SCHIP1: variants seen among roughly 807,000 people sequenced by gnomAD.
SCHIP1 encodes the protein schwannomin interacting protein 1.
In SCHIP1, 8 loss-of-function variants were observed where a neutral mutation model predicts 29.7. That is an observed-to-expected ratio of 0.27 (90% CI 0.16 to 0.49). The LOEUF (loss-of-function observed/expected upper bound fraction) is 0.49. Ranked by LOEUF, SCHIP1 falls within the 20% of genes least tolerant of loss-of-function variation. SCHIP1 has a pLI of 0.99. For missense variants in SCHIP1, 193 were observed against 294.6 expected (o/e 0.66, Z 2.52); for synonymous variants, 76 against 94.9 (o/e 0.80, Z 1.16).
At chr3:159,864,258 G>C (rs1312901177) in intron 1 of SCHIP1, among the ~76,000 whole-genome samples, 1 of 152,084 alleles carries the variant, frequency 6.6e-6, no homozygotes, top group Non-Finnish European at 1.5e-5. Flanking sequence ...CGGAAAGGTG[G>C]TTTGCCCTAA....
the SCHIP1 span, among the ~76,000 whole-genome samples, chr3:159,654,140 G>T: frequency 6.6e-6 from 1 of 152,006 alleles, no homozygotes; most frequent in Non-Finnish European, 1.5e-5. Context: ...GCATAAAGAT[G>T]TCAGAGAAAC....
At chr3:159,591,775 G>A in the SCHIP1 span, among the ~76,000 whole-genome samples, 2 of 151,942 alleles carry the variant, frequency 1.3e-5, no homozygotes, top group African/African-American at 4.8e-5. Flanking sequence ...TCGGGGGGTT[G>A]GGGTCAAGGG....
intron 1 of SCHIP1, among the ~76,000 whole-genome samples, chr3:159,863,041 T>C (rs1714226068): frequency 6.6e-6 from 1 of 152,130 alleles, no homozygotes; most frequent in Non-Finnish European, 1.5e-5. Context: ...CAGGCATTTA[T>C]GTAAAGAGGC....
At chr3:159,820,509 T>C in the SCHIP1 span, among the ~76,000 whole-genome samples, 14 of 152,290 alleles carry the variant, frequency 9.2e-5, no homozygotes, top group East Asian at 2.7e-3. Context: ...ATCAATATGG[T>C]ATAGAATATT....
chr3:159,850,673 A>G (rs529635895), intron 1 of SCHIP1, among the ~76,000 whole-genome samples: 75 of 152,262 alleles, frequency 4.9e-4, no homozygotes, highest in African/African-American at 1.7e-3. Context: ...GAAACTTACA[A>G]TTACGACAGA....
the SCHIP1 span, among the ~76,000 whole-genome samples, chr3:159,498,064 G>A: frequency 1.3e-5 from 2 of 152,216 alleles, no homozygotes; most frequent in African/African-American, 4.8e-5. Flanking sequence ...AACAAACTAT[G>A]TATTATACAT....
chr3:159,511,942 A>T, the SCHIP1 span, among the ~76,000 whole-genome samples: 4 of 152,190 alleles, frequency 2.6e-5, no homozygotes, highest in Non-Finnish European at 5.9e-5. Flanking sequence ...GCTAGAGAGG[A>T]ATTTCTTAAC....
chr3:159,293,199 C>T, the SCHIP1 span, among the ~76,000 whole-genome samples: 7 of 152,288 alleles, frequency 4.6e-5, no homozygotes, highest in Non-Finnish European at 8.8e-5. Context: ...AATAGAGATG[C>T]TAGAACAAAA....
Position 159,886,343 on chromosome 3 carries a change from A to C in SCHIP1, c.267+19A>C. Reference sequence around the variant, plus strand: ...TCCCATGGTGAGTCCAAACAGCACCAGCTGAAGCTCGGTGTTGTGATTTCC... The same window carrying C: ...TCCCATGGTGAGTCCAAACAGCACCCGCTGAAGCTCGGTGTTGTGATTTCC... On this transcript the variant is annotated intron_variant, in intron 3 of 6. Transcript: ENST00000445224. 6.2e-7 allele frequency: 1 copy of C among 1,606,820 alleles called. No homozygotes were observed. Among genetic ancestry groups the C allele is most frequent in the Non-Finnish European group, 8.5e-7 (1 of 1,174,084 alleles).
chr3:159,596,938 A>T, the SCHIP1 span, among the ~76,000 whole-genome samples: 1 of 152,024 alleles, frequency 6.6e-6, no homozygotes, highest in African/African-American at 2.4e-5. Flanking sequence ...CCTAGAACTT[A>T]AAGTATAATA....
the SCHIP1 span, among the ~76,000 whole-genome samples, chr3:159,706,264 C>A: frequency 1.3e-5 from 2 of 151,948 alleles, no homozygotes; most frequent in Non-Finnish European, 2.9e-5. Context: ...CCCCATTTCT[C>A]AATTGTCCAG....
At chr3:159,848,510 T>C (rs1319327499) in intron 1 of SCHIP1, among the ~76,000 whole-genome samples, 1 of 152,194 alleles carries the variant, frequency 6.6e-6, no homozygotes, top group East Asian at 1.9e-4. Flanking sequence ...GTGAAATTAA[T>C]TACAGTGTTA....
the SCHIP1 span, among the ~76,000 whole-genome samples, chr3:159,288,550 C>T: frequency 7.2e-5 from 11 of 152,232 alleles, no homozygotes; most frequent in East Asian, 2.1e-3. Flanking sequence ...TCAGCCTGAT[C>T]AACATGGGGA....
chr3:159,765,271 C>G, the SCHIP1 span: 3 of 1,074,132 alleles, frequency 2.8e-6, no homozygotes, highest in Non-Finnish European at 3.8e-6. Flanking sequence ...GGGGCCAGGC[C>G]AGAGAGCCTG....
the SCHIP1 span, among the ~76,000 whole-genome samples, chr3:159,554,459 C>G: frequency 6.6e-6 from 1 of 152,104 alleles, no homozygotes; most frequent in Non-Finnish European, 1.5e-5. Context: ...GGTGCCGAGG[C>G]TTAAAAATCG....
At chr3:159,436,950 G>A in the SCHIP1 span, among the ~76,000 whole-genome samples, 1 of 152,048 alleles carries the variant, frequency 6.6e-6, no homozygotes, top group Non-Finnish European at 1.5e-5. Flanking sequence ...ATCATGGTGA[G>A]GGTGATCAAC....
the SCHIP1 span, among the ~76,000 whole-genome samples, chr3:159,809,895 G>A: frequency 6.6e-6 from 1 of 152,132 alleles, no homozygotes; most frequent in Non-Finnish European, 1.5e-5. Flanking sequence ...TTGGGAGGCT[G>A]AAGCAGGAGT....
At chr3:159,305,677 G>A in the SCHIP1 span, among the ~76,000 whole-genome samples, 4 of 152,296 alleles carry the variant, frequency 2.6e-5, no homozygotes, top group South Asian at 8.3e-4. Flanking sequence ...AGTGCCTACT[G>A]TATGTTGGTT....
chr3:159,680,542 G>GT, the SCHIP1 span, among the ~76,000 whole-genome samples: 1 of 109,822 alleles, frequency 9.1e-6, no homozygotes, highest in African/African-American at 3.6e-5. Context: ...TATAATATAT[G>GT]TATATATATA....
Sources: gnomAD v4.1 joint callset for allele counts (sites outside exome capture counted in the v4.1 genomes callset) on GRCh38, gnomAD v4.1.1 for gene constraint, MANE v1.5 for transcripts, NCBI Gene and HGNC (gene_info 2026-07-23, HGNC 2026-07-21) for gene names.